Variants in CGGBP1 observed in about 807,000 individuals in gnomAD.
CGGBP1 encodes the protein CGG triplet repeat binding protein 1.
CGGBP1 carries 4 observed loss-of-function variants against 11.4 expected under a neutral mutation model. The observed-to-expected ratio is 0.35, with a 90% CI of 0.17 to 0.80. CGGBP1 has a LOEUF of 0.80. Among genes scored for constraint, CGGBP1 ranks in the 30% least tolerant of loss-of-function variants. The pLI is 0.52. For missense variants in CGGBP1, 135 were observed against 202.1 expected (o/e 0.67, Z 2.01); for synonymous variants, 76 against 74.1 (o/e 1.03, Z -0.13).
intron 2 of CGGBP1, among the ~76,000 whole-genome samples, chr3:88,135,822 A>C (rs1206599145): frequency 6.6e-6 from 1 of 152,120 alleles, no homozygotes; most frequent in African/African-American, 2.4e-5. Flanking sequence ...TAAGACTTCG[A>C]GTATAAAGAG....
chr3:88,123,473 G>A (rs1705904709), intron 2 of CGGBP1, among the ~76,000 whole-genome samples: 1 of 152,262 alleles, frequency 6.6e-6, no homozygotes, highest in Non-Finnish European at 1.5e-5. Flanking sequence ...ACTAAGTGTG[G>A]GAGGTGTAAT....
chr3:88,140,170 A>G, intron 2 of CGGBP1: 4 of 1,613,694 alleles, frequency 2.5e-6, no homozygotes, highest in Non-Finnish European at 3.4e-6. Context: ...CAGCTTGCCC[A>G]GCACACAAAA....
intron 2 of CGGBP1, among the ~76,000 whole-genome samples, chr3:88,087,018 G>A (rs1202393122): frequency 3.3e-5 from 5 of 151,948 alleles, no homozygotes; most frequent in African/African-American, 1.2e-4. Context: ...TCCTGACCTC[G>A]TGATCTGCCT....
chr3:88,061,245 T>C (rs1384915999), upstream of CGGBP1, among the ~76,000 whole-genome samples: 5 of 152,150 alleles, frequency 3.3e-5, no homozygotes, highest in Non-Finnish European at 2.9e-5. Flanking sequence ...TTTGTTTTGC[T>C]TTTTATATCA....
intron 2 of CGGBP1, chr3:88,129,033 G>C (rs1229921085): frequency 3.1e-5 from 47 of 1,501,842 alleles, no homozygotes; most frequent in Non-Finnish European, 4.1e-5. Context: ...GACTATTTTT[G>C]CCTATTACCA....
intron 2 of CGGBP1, among the ~76,000 whole-genome samples, chr3:88,079,874 T>G (rs1707993170): frequency 6.6e-6 from 1 of 152,092 alleles, no homozygotes; most frequent in Admixed American, 6.5e-5. Context: ...GGTTTTAGGT[T>G]GCTTGCTACT....
intron 2 of CGGBP1, chr3:88,095,936 T>C (rs1205191694): frequency 2.2e-5 from 8 of 365,650 alleles, no homozygotes; most frequent in African/African-American, 1.8e-4. Context: ...CATTCTCTGA[T>C]GAAATGTTAG....
Position 88,117,512 on chromosome 3 carries a change from C to G in CGGBP1, c.-229+23458G>C, listed in dbSNP as rs1705483864. Reference sequence around the variant, plus strand: ...TAAATACTTGGAAACAAACTGATGACAGGTCTTTTATCAGGACAACAAAGT... The same window carrying G: ...TAAATACTTGGAAACAAACTGATGAGAGGTCTTTTATCAGGACAACAAAGT... On this transcript the variant is annotated intron_variant, in intron 2 of 3. Coordinates refer to the CGGBP1 transcript ENST00000462901. Among the ~76,000 whole-genome samples, 5 of 152,008 alleles carry G rather than the reference C, an allele frequency of 3.3e-5. No homozygotes were observed. In the South Asian group the frequency reaches 1.0e-3, roughly 32 times the overall value.
intron 1 of CGGBP1, among the ~76,000 whole-genome samples, chr3:88,146,237 G>T (rs1362531747): frequency 1.3e-5 from 2 of 152,160 alleles, no homozygotes; most frequent in Admixed American, 1.3e-4. Context: ...TACAAGCTAA[G>T]GTTTGAAAAT....
chr3:88,099,518 A>G (rs982806142), intron 2 of CGGBP1, among the ~76,000 whole-genome samples: 1 of 151,530 alleles, frequency 6.6e-6, no homozygotes, highest in African/African-American at 2.4e-5. Context: ...CGCATTGCCA[A>G]GACAATCCTA....
At chr3:88,117,688 C>G (rs1216482811) in intron 2 of CGGBP1, among the ~76,000 whole-genome samples, 1 of 151,844 alleles carries the variant, frequency 6.6e-6, no homozygotes, top group African/African-American at 2.4e-5. Flanking sequence ...AAGGAAAATA[C>G]AAATTGTAAA....
chr3:88,131,866 G>A (rs4501136), intron 2 of CGGBP1, among the ~76,000 whole-genome samples: 119,057 of 151,872 alleles, frequency 0.78, 47,564 homozygotes, highest in South Asian at 0.91. Flanking sequence ...TCCAAAGTCT[G>A]TGCTGTCTGT....
At chr3:88,099,972 A>T (rs1391091029) in intron 2 of CGGBP1, among the ~76,000 whole-genome samples, 1 of 152,238 alleles carries the variant, frequency 6.6e-6, no homozygotes, top group Non-Finnish European at 1.5e-5. Flanking sequence ...AAATTGACAA[A>T]TAGGATCTAA....
At chr3:88,084,659 T>C (rs1708247263) in intron 2 of CGGBP1, among the ~76,000 whole-genome samples, 2 of 152,202 alleles carry the variant, frequency 1.3e-5, no homozygotes, top group Admixed American at 1.3e-4. Flanking sequence ...TGTCAAGAAC[T>C]GTGAAGAGTG....
chr3:88,093,997 A>G (rs1703900662), intron 2 of CGGBP1, among the ~76,000 whole-genome samples: 1 of 152,028 alleles, frequency 6.6e-6, no homozygotes, highest in East Asian at 1.9e-4. Flanking sequence ...TTTTGTATCT[A>G]TTGTCTTTAC....
chr3:88,136,276 A>C (rs1706779179), intron 2 of CGGBP1, among the ~76,000 whole-genome samples: 1 of 152,232 alleles, frequency 6.6e-6, no homozygotes, highest in South Asian at 2.1e-4. Flanking sequence ...AGGTTTTGCC[A>C]GTCATCACAG....
At chr3:88,120,228 G>A (rs1460559814) in intron 2 of CGGBP1, among the ~76,000 whole-genome samples, 2 of 152,186 alleles carry the variant, frequency 1.3e-5, no homozygotes, top group East Asian at 3.9e-4. Flanking sequence ...AGCAGAATGA[G>A]GGCCTAAGTC....
chr3:88,128,676 T>C, intron 2 of CGGBP1: 1 of 602,174 alleles, frequency 1.7e-6, no homozygotes, highest in Non-Finnish European at 2.8e-6. Context: ...ACAAATAAAC[T>C]CCTACTAAGG....
intron 2 of CGGBP1, among the ~76,000 whole-genome samples, chr3:88,115,253 C>G (rs1705320599): frequency 6.6e-6 from 1 of 152,138 alleles, no homozygotes; most frequent in South Asian, 2.1e-4. Flanking sequence ...CCAAGGTATT[C>G]TTTGTTGGAT....
Sources: gnomAD v4.1 joint callset for allele counts (sites outside exome capture counted in the v4.1 genomes callset) on GRCh38, gnomAD v4.1.1 for gene constraint, MANE v1.5 for transcripts, NCBI Gene and HGNC (gene_info 2026-07-23, HGNC 2026-07-21) for gene names.